The following DCDC2C variants were observed in gnomAD, a reference collection of about 807,000 sequenced individuals.
DCDC2C encodes the protein doublecortin domain-containing protein 2C.
Under a neutral mutation model 45.0 loss-of-function variants are expected in DCDC2C, and 44 were observed. The observed-to-expected ratio is 0.98, with a 90% CI of 0.77 to 1.26. The LOEUF (loss-of-function observed/expected upper bound fraction) is 1.26. Ranked by LOEUF, DCDC2C falls within the 50% of genes most tolerant of loss-of-function variation. The pLI is 0.00. For synonymous variants in DCDC2C, 187 were observed against 178.8 expected, an observed-to-expected ratio of 1.05 and a Z score of -0.37; for missense variants, 447 against 468.9, an observed-to-expected ratio of 0.95 and a Z score of 0.43.
chr2:3,832,794 A>G (rs922075418), intron 10 of DCDC2C, among the ~76,000 whole-genome samples: 4 of 152,170 alleles, frequency 2.6e-5, no homozygotes, highest in African/African-American at 9.7e-5. Flanking sequence ...CTCTCCCCCA[A>G]TGTCTAGTGT....
At position 3,785,059 on chromosome 2, in the gene DCDC2C, G is replaced by C. The variant is rs960798381; in HGVS notation, c.1024G>C (p.Asp342His). ...TCCTATATTTGTTTTTTCATACTAG[G>C]ATAAAGAAGATGCAAGGCTTTGTGA... is the stretch of plus-strand genomic sequence containing the variant. ...ENTPDFEGNK[D>H]KEDARLCEDV... Residue 342 changes from aspartate (D) to histidine (H), a missense_variant and splice_region_variant, in exon 10 of 11, where the codon GAT becomes CAT. Transcript: ENST00000399143. 2.4e-6 allele frequency: 3 copies of C among 1,231,530 alleles called. No homozygotes were observed. Among genetic ancestry groups the C allele is most frequent in the South Asian group, 4.1e-5 (1 of 24,318 alleles). 76.3% of individuals were successfully genotyped at this position (1,231,530 alleles called of 1,614,324 possible). A position where few individuals can be genotyped will look rare whatever the true frequency, so the allele number is the denominator to read the frequency against.
intron 2 of DCDC2C, among the ~76,000 whole-genome samples, chr2:3,718,478 T>G (rs1668404695): frequency 6.6e-6 from 1 of 152,172 alleles, no homozygotes; most frequent in East Asian, 1.9e-4. Context: ...AGTGTGTGGC[T>G]GTTTCTATCA....
At chr2:3,769,255 G>A in intron 7 of DCDC2C, 56 bp from the exon 8 acceptor site, 1 of 1,502,542 alleles carries the variant, frequency 6.7e-7, no homozygotes, top group South Asian at 1.2e-5. Context: ...GAAATATGCA[G>A]TGGACTCCAG....
chr2:3,706,542 G>A (rs369335369), intron 1 of DCDC2C, among the ~76,000 whole-genome samples: 2 of 123,222 alleles, frequency 1.6e-5, no homozygotes, highest in Non-Finnish European at 3.6e-5. Flanking sequence ...ATGTGTGCAC[G>A]CATGTGTGTG....
At chr2:3,745,723 G>A (rs1298048836) in intron 4 of DCDC2C, among the ~76,000 whole-genome samples, 3 of 151,934 alleles carry the variant, frequency 2.0e-5, no homozygotes, top group Non-Finnish European at 2.9e-5. Context: ...TAGAAACGAA[G>A]ACAGTTCTTT....
intron 10 of DCDC2C, among the ~76,000 whole-genome samples, chr2:3,828,636 G>T (rs980608003): frequency 2.0e-5 from 3 of 152,218 alleles, no homozygotes; most frequent in Non-Finnish European, 4.4e-5. Context: ...TATTTGGGAG[G>T]AGGGAATGAG....
In DCDC2C at chr2:3,731,299, A is replaced by G. The variant is rs565035204; in HGVS notation, c.416+4220A>G. On this transcript the variant is annotated intron_variant, in intron 3 of 10. Coordinates refer to ENST00000399143, the MANE Select transcript of DCDC2C (RefSeq NM_001287444.2). ...TTGGTCCACAAGTCTCAGGACCAGC[A>G]GCTGGGGCAGCACTCACGTTTCTGA... Among the ~76,000 whole-genome samples the G allele has an allele frequency of 7.2e-5, 11 of 152,350 alleles. No individual in the cohort carries two copies. The South Asian group carries it at 2.3e-3, about 32-fold the overall frequency.
rs1476589980 is a variant in DCDC2C, at chr2:3,830,628, C to G, written c.1066-16526C>G. Among the ~76,000 whole-genome samples the G allele has an allele frequency of 5.3e-5, 8 of 152,240 alleles. No homozygotes were observed. The East Asian group carries it at 1.6e-3, about 30-fold the overall frequency. ...TGGGCATGAGCAGGAAGCTGCACCC[C>G]GTAGTCGCGACCCCACTCCATGTGG... On this transcript the variant is annotated intron_variant, in intron 10 of 10. Transcript: ENST00000399143.
At chr2:3,786,872 T>G (rs1670671054) in intron 10 of DCDC2C, among the ~76,000 whole-genome samples, 1 of 152,280 alleles carries the variant, frequency 6.6e-6, no homozygotes, top group Non-Finnish European at 1.5e-5. Flanking sequence ...TTACTTACTT[T>G]TCAAGAATCA....
chr2:3,825,902 A>T (rs1390206273), intron 10 of DCDC2C, among the ~76,000 whole-genome samples: 1 of 152,212 alleles, frequency 6.6e-6, no homozygotes, highest in Admixed American at 6.5e-5. Context: ...CTCATGCCTC[A>T]GGATCCAGCA....
intron 10 of DCDC2C, among the ~76,000 whole-genome samples, chr2:3,821,895 A>G (rs1205990685): frequency 6.6e-6 from 1 of 152,194 alleles, no homozygotes; most frequent in Non-Finnish European, 1.5e-5. Context: ...AATGCTTTAT[A>G]TTATGTTCAC....
chr2:3,709,488 C>T (rs140883863), intron 2 of DCDC2C, among the ~76,000 whole-genome samples: 1 of 152,226 alleles, frequency 6.6e-6, no homozygotes, highest in Non-Finnish European at 1.5e-5. Context: ...CTTCCAGAAG[C>T]GTTCCGCTGC....
chr2:3,738,797 G>A (rs1394570904), intron 3 of DCDC2C, among the ~76,000 whole-genome samples: 2 of 152,114 alleles, frequency 1.3e-5, no homozygotes, highest in Non-Finnish European at 2.9e-5. Context: ...TGAGTACCAG[G>A]CATTCAAAAA....
intron 2 of DCDC2C, among the ~76,000 whole-genome samples, chr2:3,712,278 G>A (rs1048179055): frequency 1.3e-5 from 2 of 152,104 alleles, no homozygotes; most frequent in African/African-American, 4.8e-5. Flanking sequence ...ACTCCCAGTG[G>A]CATCACTACT....
At chr2:3,788,809 T>A (rs1253686121) in intron 10 of DCDC2C, among the ~76,000 whole-genome samples, 2 of 133,188 alleles carry the variant, frequency 1.5e-5, no homozygotes, top group Non-Finnish European at 3.2e-5. Context: ...TTCCCTCCCT[T>A]CCTCCCTTCC....
Position 3,767,881 on chromosome 2 carries a change from G to T in DCDC2C, c.853+1G>T. ...GAACCTTTAGTCCAAAGGGGTGCAG[G>T]TGACGTGCAGTTTCATTCTGCTGTA... On this transcript the variant is annotated splice_donor_variant, in intron 7 of 10. Transcript: ENST00000399143. LOFTEE classifies it high-confidence loss of function. The T allele has an allele frequency of 6.6e-7, 1 of 1,508,000 alleles. No homozygotes were observed. The highest frequency in any genetic ancestry group is 8.8e-7 in the Non-Finnish European group (1 of 1,131,936). The allele number at this position is 1,508,000 out of a possible 1,614,324, so 93.4% of individuals were successfully genotyped here.
At chr2:3,827,581 T>G (rs966146710) in intron 10 of DCDC2C, among the ~76,000 whole-genome samples, 1 of 152,228 alleles carries the variant, frequency 6.6e-6, no homozygotes, top group Non-Finnish European at 1.5e-5. Flanking sequence ...TCAACATCTT[T>G]CAACAATTTG....
intron 10 of DCDC2C, among the ~76,000 whole-genome samples, chr2:3,789,811 G>T (rs1443952841): frequency 1.3e-5 from 2 of 152,152 alleles, no homozygotes; most frequent in Non-Finnish European, 2.9e-5. Context: ...TTAGGCTTTG[G>T]TGTTTCATGT....
chr2:3,771,832 G>A (rs78714291), intron 8 of DCDC2C, among the ~76,000 whole-genome samples: 15,462 of 152,330 alleles, frequency 0.1, 1,070 homozygotes, highest in East Asian at 0.3. Context: ...TTGGCTCTGC[G>A]TCAGGGTGAC....
Sources: gnomAD v4.1 joint callset for allele counts (sites outside exome capture counted in the v4.1 genomes callset) on GRCh38, gnomAD v4.1.1 for gene constraint, MANE v1.5 for transcripts, NCBI Gene and HGNC (gene_info 2026-07-23, HGNC 2026-07-21) for gene names.